AGAP1: variants seen among roughly 807,000 people sequenced by gnomAD.
The protein encoded by AGAP1 is ArfGAP with GTPase domain, ankyrin repeat and PH domain 1, also known as arf-GAP with GTPase, ANK repeat and PH domain-containing protein 1.
A neutral mutation model predicts 105.3 loss-of-function variants in AGAP1; 29 were observed. The observed-to-expected ratio is 0.28, with a 90% CI of 0.21 to 0.38. The LOEUF is 0.38. AGAP1 is among the 10% of genes least tolerant of loss of function. The pLI is 1.00. For synonymous variants in AGAP1, 509 were observed against 485.9 expected, an observed-to-expected ratio of 1.05 and a Z score of -0.63; for missense variants, 998 against 1,165.1, an observed-to-expected ratio of 0.86 and a Z score of 2.09.
rs568715147 is a variant in AGAP1 at position 235,827,325 on chromosome 2, A to G, written c.1050+19994A>G. ...CCTGAGGTTTCAGGGCTTTGACCTGAGGGCTGAGACCACAGGGCACAGCTC... is the reference window on the plus strand; with the variant it reads ...CCTGAGGTTTCAGGGCTTTGACCTGGGGGCTGAGACCACAGGGCACAGCTC... On this transcript the variant is annotated intron_variant, in intron 9 of 17. Transcript: ENST00000304032. Among the ~76,000 whole-genome samples, 4 of 152,212 alleles carry G rather than the reference A, an allele frequency of 2.6e-5. No homozygotes were observed. In the East Asian group the frequency reaches 5.8e-4, roughly 22 times the overall value.
chr2:235,680,482 C>T (rs538525782), intron 1 of AGAP1, among the ~76,000 whole-genome samples: 1 of 152,160 alleles, frequency 6.6e-6, no homozygotes, highest in Admixed American at 6.5e-5. Context: ...TGTGTGATCC[C>T]CCCATCTCTG....
At position 235,574,758 on chromosome 2, in the gene AGAP1, A is replaced by G. The variant is rs1011462781; in HGVS notation, c.163+79909A>G. ...CCAGGAGGGAATGAACGAGAAAAAT[A>G]AAAGAAAGAAAATCACACAAGACCA... On this transcript the variant is annotated intron_variant, in intron 1 of 17. Coordinates refer to ENST00000304032, the MANE Select transcript of AGAP1 (RefSeq NM_001037131.3). This position sits in a 1 kb window ranked among gnomAD's most constrained non-coding sequence, Gnocchi z 5.0. Among the ~76,000 whole-genome samples, 5 of 152,220 alleles carry G rather than the reference A, an allele frequency of 3.3e-5. No homozygotes were observed. The highest frequency in any genetic ancestry group is 1.2e-4 in the African/African-American group (5 of 41,450).
rs1559295932 is a variant in AGAP1, at chr2:236,120,584, C to G, written c.2370+137C>G. 2 of 1,459,446 alleles carry G rather than the reference C, an allele frequency of 1.4e-6. No individual in the cohort carries two copies. Among genetic ancestry groups the G allele is most frequent in the African/African-American group, 1.4e-5 (1 of 71,158 alleles). 90.4% of individuals were successfully genotyped at this position (1,459,446 alleles called of 1,614,324 possible). On this transcript the variant is annotated intron_variant, in intron 17 of 17. Coordinates refer to ENST00000304032, the MANE Select transcript of AGAP1 (RefSeq NM_001037131.3). This position sits in a 1 kb window ranked among gnomAD's most constrained non-coding sequence, Gnocchi z 6.0. ...TGGAAACAGTTCCTAATGGGAAACTCTGATTGAAGAGCAGAGGGCCTTACG... is the reference window on the plus strand; with the variant it reads ...TGGAAACAGTTCCTAATGGGAAACTGTGATTGAAGAGCAGAGGGCCTTACG...
intron 1 of AGAP1, among the ~76,000 whole-genome samples, chr2:235,661,614 C>T (rs1036346564): frequency 6.6e-6 from 1 of 152,140 alleles, no homozygotes; most frequent in African/African-American, 2.4e-5. Flanking sequence ...CTTGGGGCTT[C>T]CGATGCTCGT....
At chr2:235,835,708 A>C (rs79250950) in intron 9 of AGAP1, among the ~76,000 whole-genome samples, 22 of 152,238 alleles carry the variant, frequency 1.4e-4, no homozygotes, top group Admixed American at 6.5e-5. Flanking sequence ...ACTTTACAAC[A>C]AAATCGTGTC....
intron 8 of AGAP1, among the ~76,000 whole-genome samples, chr2:235,802,658 ATGGTTG>A (rs1262793446): frequency 1.5e-5 from 2 of 137,604 alleles, no homozygotes; most frequent in East Asian, 2.1e-4. Flanking sequence ...GGTGATGATG[ATGGTTG>A]TGGTTGTGGT....
chr2:235,932,889 G>T (rs1416831382), intron 12 of AGAP1, among the ~76,000 whole-genome samples: 1 of 152,208 alleles, frequency 6.6e-6, no homozygotes, highest in Non-Finnish European at 1.5e-5. Flanking sequence ...GCATGCATTT[G>T]TACAGTACCC....
intron 13 of AGAP1, among the ~76,000 whole-genome samples, chr2:235,980,618 G>T (rs758219548): frequency 6.6e-6 from 1 of 152,214 alleles, no homozygotes; most frequent in Non-Finnish European, 1.5e-5. Context: ...GAGGCTCTAA[G>T]CTTTGAGGAG....
chr2:235,525,954 GAC>G (rs1358263504), intron 1 of AGAP1, among the ~76,000 whole-genome samples: 22 of 88,958 alleles, frequency 2.5e-4, no homozygotes, highest in African/African-American at 9.6e-4. Context: ...GTAGAGGACT[GAC>G]ACATAATGTG....
intron 1 of AGAP1, chr2:235,670,922 A>G: frequency 1.5e-6 from 2 of 1,336,800 alleles, no homozygotes; most frequent in Non-Finnish European, 1.9e-6. Flanking sequence ...CTTCGCGCGC[A>G]GGGACGGGGG....
intron 1 of AGAP1, among the ~76,000 whole-genome samples, chr2:235,688,759 TG>T (rs376472941): frequency 2.4e-4 from 36 of 152,294 alleles, no homozygotes; most frequent in African/African-American, 8.2e-4. Flanking sequence ...AAATGAGCAT[TG>T]GGGTGCTTTG....
intron 11 of AGAP1, among the ~76,000 whole-genome samples, chr2:235,926,895 C>T (rs1009982756): frequency 6.6e-6 from 1 of 152,130 alleles, no homozygotes; most frequent in Non-Finnish European, 1.5e-5. Context: ...AAACACAGGC[C>T]CACAGCTCCC....
chr2:235,651,134 T>C (rs1156661801), intron 1 of AGAP1, among the ~76,000 whole-genome samples: 9 of 132,512 alleles, frequency 6.8e-5, no homozygotes, highest in Non-Finnish European at 1.4e-4. Context: ...TGAGTCAAGA[T>C]CGTGCCAGCC....
intron 1 of AGAP1, among the ~76,000 whole-genome samples, chr2:235,521,198 T>G (rs923950173): frequency 1.3e-5 from 2 of 152,238 alleles, no homozygotes; most frequent in African/African-American, 4.8e-5. Context: ...TGTATCTCAC[T>G]TTCGGTGATA....
At chr2:235,671,650 C>G (rs1313327024) in intron 1 of AGAP1, among the ~76,000 whole-genome samples, 1 of 152,218 alleles carries the variant, frequency 6.6e-6, no homozygotes, top group Non-Finnish European at 1.5e-5. Context: ...CTCTCCACAG[C>G]TTTCCTGCCA....
chr2:235,573,396 TTG>T (rs1309076724), intron 1 of AGAP1, among the ~76,000 whole-genome samples: 1 of 152,120 alleles, frequency 6.6e-6, no homozygotes, highest in Non-Finnish European at 1.5e-5. Context: ...ATCTTTAAAA[TTG>T]TCTTACCCAC....
chr2:235,621,581 A>T lies in AGAP1; in HGVS notation c.164-87598A>T, dbSNP rs188479913. On this transcript the variant is annotated intron_variant, in intron 1 of 17. Transcript: ENST00000304032. The surrounding 1 kb of genome is among the most constrained non-coding windows in gnomAD (Gnocchi z 4.1). The stretch of plus-strand genomic sequence containing the variant: ...CTGGGCACTGGCTGGGCTGACCCCA[A>T]TGGCCCCTGCCCATCATGCATTTAG... Among the ~76,000 whole-genome samples the T allele has an allele frequency of 6.6e-6, 1 of 152,146 alleles. No individual in the cohort carries two copies. The highest frequency in any genetic ancestry group is 1.5e-5 in the Non-Finnish European group (1 of 68,024).
intron 9 of AGAP1, among the ~76,000 whole-genome samples, chr2:235,878,397 G>A (rs777432371): frequency 2.0e-4 from 31 of 152,116 alleles, no homozygotes; most frequent in Non-Finnish European, 3.7e-4. Flanking sequence ...CTGCAGGGTC[G>A]CTGTGTTGCA....
chr2:235,647,529 A>T (rs1051137176), intron 1 of AGAP1, among the ~76,000 whole-genome samples: 1 of 152,094 alleles, frequency 6.6e-6, no homozygotes, highest in Non-Finnish European at 1.5e-5. Flanking sequence ...CTGGGACTAC[A>T]GGCGCACACC....
Sources: gnomAD v4.1 joint callset for allele counts (sites outside exome capture counted in the v4.1 genomes callset) on GRCh38, gnomAD v4.1.1 for gene constraint, Gnocchi (gnomAD v3.1) non-coding constraint, MANE v1.5 for transcripts, NCBI Gene and HGNC (gene_info 2026-07-23, HGNC 2026-07-21) for gene names.